IGF2BP1: variants seen among roughly 807,000 people sequenced by gnomAD.
The protein encoded by IGF2BP1 is insulin-like growth factor 2 mRNA-binding protein 1.
Under a neutral mutation model 74.9 loss-of-function variants are expected in IGF2BP1, and 11 were observed. The ratio of observed to expected loss-of-function variants is 0.15; its 90% confidence interval spans 0.09 to 0.24. The LOEUF (loss-of-function observed/expected upper bound fraction) is 0.24. IGF2BP1 is among the 10% of genes least tolerant of loss of function. The pLI is 1.00. For synonymous variants in IGF2BP1, 287 were observed against 281.8 expected (o/e 1.02, Z -0.18); for missense variants, 440 against 757.4 (o/e 0.58, Z 4.92).
chr17:49,024,957 C>G (rs1217886303), intron 2 of IGF2BP1, among the ~76,000 whole-genome samples: 3 of 152,028 alleles, frequency 2.0e-5, no homozygotes, highest in Non-Finnish European at 1.5e-5. Flanking sequence ...TTTGGGAGGC[C>G]GAGGTGGGCA....
Position 49,038,875 on chromosome 17 carries a change from TA to T in IGF2BP1, c.683+427del, listed in dbSNP as rs1555600928. On this transcript the variant is annotated intron_variant, in intron 6 of 14. Coordinates refer to ENST00000290341, the MANE Select transcript of IGF2BP1 (RefSeq NM_006546.4). ...TGCCACTGCCACCTTCTTTCTTTAA[TA>T]TTTTTTTTTTTTTTTTTTTGAGACA... Among the ~76,000 whole-genome samples, 845 of 92,970 alleles carry T rather than the reference TA, an allele frequency of 9.1e-3. 52 individuals carry two copies. Among genetic ancestry groups the T allele is most frequent in the African/African-American group, 0.023 (458 of 19,586 alleles). The allele number at this position is 92,970 out of a possible 152,430, so 61.0% of individuals were successfully genotyped here. A position where few individuals can be genotyped will look rare whatever the true frequency, so the allele number is the denominator to read the frequency against.
intron 2 of IGF2BP1, among the ~76,000 whole-genome samples, chr17:49,000,115 T>C (rs2041469632): frequency 6.6e-6 from 1 of 152,140 alleles, no homozygotes; most frequent in Admixed American, 6.5e-5. Context: ...GGGCAGAGTC[T>C]TTCTACTTTC....
intron 14 of IGF2BP1, among the ~76,000 whole-genome samples, chr17:49,048,911 G>T (rs966081088): frequency 7.3e-6 from 1 of 137,094 alleles, no homozygotes; most frequent in Admixed American, 8.0e-5. Flanking sequence ...ACCTCCATCC[G>T]TGGAAGAAAA....
chr17:49,050,669 C>T lies in IGF2BP1; in HGVS notation c.*1225C>T, dbSNP rs765924669. On this transcript the variant is annotated 3_prime_UTR_variant, in exon 15 of 15. Coordinates refer to ENST00000290341, the MANE Select transcript of IGF2BP1 (RefSeq NM_006546.4). ...TCTGAGAGGAATTTTTAACTGACGG[C>T]TTCTGTCTCCATGAATCATTATCAG... is the stretch of plus-strand genomic sequence containing the variant. 1 of 152,214 alleles carries T rather than the reference C, an allele frequency of 6.6e-6. No individual in the cohort carries two copies. Among genetic ancestry groups the T allele is most frequent in the Non-Finnish European group, 1.5e-5 (1 of 68,034 alleles). The allele number at this position is 152,214 out of a possible 1,614,324, so 9.4% of individuals were successfully genotyped here.
At chr17:49,048,321 T>C (rs2042129108) in intron 14 of IGF2BP1, among the ~76,000 whole-genome samples, 1 of 151,644 alleles carries the variant, frequency 6.6e-6, no homozygotes, top group African/African-American at 2.4e-5. Flanking sequence ...GGCACAATCT[T>C]AGTTCACTGC....
chr17:49,032,412 A>G (rs997791767), intron 5 of IGF2BP1, among the ~76,000 whole-genome samples: 5 of 152,094 alleles, frequency 3.3e-5, no homozygotes, highest in Non-Finnish European at 7.4e-5. Flanking sequence ...GGGACATTTT[A>G]TTGCAGTGAT....
rs1359476330 is a variant in IGF2BP1 at position 49,025,651 on chromosome 17, C to T, written c.270C>T (p.Pro90=). 3 of 1,612,316 alleles carry T rather than the reference C, an allele frequency of 1.9e-6. No individual in the cohort carries two copies. The highest frequency in any genetic ancestry group is 2.5e-6 in the Non-Finnish European group (3 of 1,179,758). The change falls in exon 3 of 15, where the codon CCC becomes CCT. Residue 90 remains proline (P), a synonymous_variant. Transcript: ENST00000290341. ...AAATTCAAATCCGAAATATTCCACC[C>T]CAGCTCCGATGGGAAGTAAGTGTTT... The part of the protein sequence containing the change: ...SRKIQIRNIP[P]QLRWEVLDSL...
At chr17:49,028,841 T>A (rs2041887033) in intron 4 of IGF2BP1, among the ~76,000 whole-genome samples, 1 of 152,200 alleles carries the variant, frequency 6.6e-6, no homozygotes, top group Non-Finnish European at 1.5e-5. Context: ...GGAGTCTCAC[T>A]CTGTTACCCA....
chr17:48,998,997 A>T (rs954971132), intron 1 of IGF2BP1, 112 bp from the exon 2 acceptor site: 2 of 680,620 alleles, frequency 2.9e-6, no homozygotes, highest in African/African-American at 3.7e-5. Context: ...ATTCCTAGGA[A>T]GATCTCGAAT....
At chr17:49,032,014 G>A (rs756531551) in intron 5 of IGF2BP1, 41 bp downstream of exon 5, 4 of 1,509,072 alleles carry the variant, frequency 2.7e-6, no homozygotes, top group South Asian at 1.1e-5. Context: ...GGTGGGGGGG[G>A]GTTCTGTGAA....
intron 1 of IGF2BP1, among the ~76,000 whole-genome samples, chr17:48,998,623 A>C (rs1407305150): frequency 1.8e-4 from 27 of 149,464 alleles, no homozygotes; most frequent in Non-Finnish European, 3.6e-4. Flanking sequence ...CCGCTCCCCC[A>C]GGTCCACCCC....
chr17:49,054,452 A>C lies in IGF2BP1; in HGVS notation c.*5008A>C, dbSNP rs925985771. On this transcript the variant is annotated 3_prime_UTR_variant, in exon 15 of 15. Coordinates refer to ENST00000290341, the MANE Select transcript of IGF2BP1 (RefSeq NM_006546.4). The stretch of plus-strand genomic sequence containing the variant: ...AATCCCAGCCAGGACAAGTGAGTTG[A>C]GGCTTGTGCCACAAAAGGTTTGTCC... The C allele has an allele frequency of 2.6e-5, 4 of 152,616 alleles. No individual in the cohort carries two copies. Among genetic ancestry groups the C allele is most frequent in the African/African-American group, 9.7e-5 (4 of 41,432 alleles). 9.5% of individuals were successfully genotyped at this position (152,616 alleles called of 1,614,324 possible).
intron 14 of IGF2BP1, among the ~76,000 whole-genome samples, chr17:49,047,902 G>A (rs1375057700): frequency 1.3e-5 from 2 of 151,906 alleles, no homozygotes; most frequent in Non-Finnish European, 2.9e-5. Flanking sequence ...TTTTTGTAGT[G>A]ATGAGGTTTC....
In IGF2BP1 at chr17:49,012,245, C is replaced by T. The variant is rs186200981; in HGVS notation, c.236+13076C>T. Among the ~76,000 whole-genome samples the T allele has an allele frequency of 1.7e-3, 252 of 152,240 alleles. 2 individuals are homozygous for T. The highest frequency in any genetic ancestry group is 5.8e-3 in the African/African-American group (243 of 41,548). On this transcript the variant is annotated intron_variant, in intron 2 of 14. Transcript: ENST00000290341. ...AGATGGATGGGTCCAAATTTTCTCC[C>T]CTTGTCTGGGCAGCTAAGATGAGAA...
chr17:49,042,488 TAG>T (rs2042063014), intron 9 of IGF2BP1, 111 bp downstream of exon 9: 1 of 1,154,012 alleles, frequency 8.7e-7, no homozygotes, highest in Non-Finnish European at 1.3e-6. Context: ...CTTGGAGCTT[TAG>T]TTGATGCTTT....
At chr17:49,027,502 A>G (rs1436638144) in intron 4 of IGF2BP1, among the ~76,000 whole-genome samples, 4 of 152,192 alleles carry the variant, frequency 2.6e-5, no homozygotes, top group Non-Finnish European at 5.9e-5. Context: ...ATAGGTAAGC[A>G]AAGTCTTTTG....
intron 2 of IGF2BP1, among the ~76,000 whole-genome samples, chr17:49,017,077 A>G (rs1456529675): frequency 1.3e-5 from 2 of 151,786 alleles, no homozygotes; most frequent in Non-Finnish European, 2.9e-5. Flanking sequence ...TTTCTGGAAA[A>G]GGCAGAGGTT....
intron 2 of IGF2BP1, among the ~76,000 whole-genome samples, chr17:49,018,696 T>C (rs2041739246): frequency 6.6e-6 from 1 of 152,064 alleles, no homozygotes; most frequent in East Asian, 1.9e-4. Flanking sequence ...ATTCAGACTA[T>C]TAGGACACAG....
intron 10 of IGF2BP1, 129 bp downstream of exon 10, chr17:49,043,679 C>T: frequency 8.7e-7 from 1 of 1,148,826 alleles, no homozygotes; most frequent in Non-Finnish European, 1.2e-6. Context: ...GTCTCAGAGG[C>T]ATCCCTCCTC....
Sources: gnomAD v4.1 joint callset for allele counts (sites outside exome capture counted in the v4.1 genomes callset) on GRCh38, gnomAD v4.1.1 for gene constraint, MANE v1.5 for transcripts, NCBI Gene and HGNC (gene_info 2026-07-23, HGNC 2026-07-21) for gene names.